KLF12: variants seen among roughly 807,000 people sequenced by gnomAD.
KLF12 encodes the protein Krueppel-like factor 12.
In KLF12, 9 loss-of-function variants were observed where a neutral mutation model predicts 37.8. The observed-to-expected ratio is 0.24, with a 90% CI of 0.14 to 0.42. The LOEUF is 0.42. Among genes scored for constraint, KLF12 ranks in the 10% least tolerant of loss-of-function variants. KLF12 has a pLI of 1.00. For synonymous variants in KLF12, 208 were observed against 202.1 expected (o/e 1.03, Z -0.25); for missense variants, 411 against 516.0 (o/e 0.80, Z 1.97).
intron 1 of KLF12, among the ~76,000 whole-genome samples, chr13:74,007,482 C>T (rs570316726): frequency 2.6e-5 from 4 of 151,680 alleles, no homozygotes; most frequent in African/African-American, 7.3e-5. Flanking sequence ...TCACCGTGTT[C>T]GCCAGGATGG....
intron 3 of KLF12, among the ~76,000 whole-genome samples, chr13:73,934,003 C>T (rs1889806334): frequency 6.6e-6 from 1 of 152,064 alleles, no homozygotes; most frequent in Non-Finnish European, 1.5e-5. Flanking sequence ...TCCCTATTTC[C>T]CTCTCCCCCA....
chr13:73,861,210 T>C (rs973264761), intron 3 of KLF12, among the ~76,000 whole-genome samples: 7 of 152,174 alleles, frequency 4.6e-5, no homozygotes, highest in African/African-American at 1.7e-4. Context: ...TTATAAATCC[T>C]GTAACTAGAT....
chr13:73,735,939 TTTTC>T (rs1359893669), intron 6 of KLF12, among the ~76,000 whole-genome samples: 8 of 133,054 alleles, frequency 6.0e-5, no homozygotes, highest in Non-Finnish European at 8.1e-5. Flanking sequence ...TATGCACTGA[TTTTC>T]TTTCTTTCTT....
chr13:73,766,014 T>C (rs1241315876), intron 5 of KLF12, among the ~76,000 whole-genome samples: 2 of 152,240 alleles, frequency 1.3e-5, no homozygotes, highest in East Asian at 3.8e-4. Context: ...CAGCCCCGCC[T>C]AAGGGCCAAC....
chr13:73,969,196 C>T (rs112136642), intron 2 of KLF12, among the ~76,000 whole-genome samples: 300 of 152,194 alleles, frequency 2.0e-3, no homozygotes, highest in Middle Eastern at 0.01. Flanking sequence ...CAAAAGCTAC[C>T]TTTTTGGAGG....
chr13:74,277,489 A>T, the KLF12 span, among the ~76,000 whole-genome samples: 1 of 152,200 alleles, frequency 6.6e-6, no homozygotes, highest in South Asian at 2.1e-4. Context: ...AATAGACTAG[A>T]TACTCAGAAT....
chr13:74,067,009 G>A (rs1244024259), intron 1 of KLF12, among the ~76,000 whole-genome samples: 2 of 152,210 alleles, frequency 1.3e-5, no homozygotes, highest in African/African-American at 4.8e-5. Context: ...TGGGGACAGT[G>A]TGGACAGGGA....
At chr13:73,773,867 C>A (rs866035547) in intron 5 of KLF12, among the ~76,000 whole-genome samples, 2 of 152,034 alleles carry the variant, frequency 1.3e-5, no homozygotes, top group African/African-American at 2.4e-5. Flanking sequence ...TATTCACAGC[C>A]CCCCTTACCA....
intron 5 of KLF12, among the ~76,000 whole-genome samples, chr13:73,767,310 T>C (rs1225523778): frequency 9.2e-5 from 14 of 152,174 alleles, no homozygotes. Flanking sequence ...AATCTGCATG[T>C]CATGCATTAT....
chr13:74,296,356 T>A, the KLF12 span, among the ~76,000 whole-genome samples: 1 of 152,170 alleles, frequency 6.6e-6, no homozygotes, highest in African/African-American at 2.4e-5. Flanking sequence ...AGGTTTATCT[T>A]CTATGTGGTA....
intron 3 of KLF12, among the ~76,000 whole-genome samples, chr13:73,874,214 A>C (rs1028844043): frequency 2.6e-5 from 4 of 152,192 alleles, no homozygotes; most frequent in Admixed American, 6.5e-5. Context: ...TTGACCTTGG[A>C]ACTATTTTAT....
chr13:73,885,474 C>T (rs941339142), intron 3 of KLF12, among the ~76,000 whole-genome samples: 2 of 152,230 alleles, frequency 1.3e-5, no homozygotes, highest in Non-Finnish European at 2.9e-5. Flanking sequence ...CAGTGGCCTC[C>T]AGACCCATCT....
At chr13:74,076,401 C>A (rs2138730583) in intron 1 of KLF12, among the ~76,000 whole-genome samples, 1 of 152,248 alleles carries the variant, frequency 6.6e-6, no homozygotes, top group South Asian at 2.1e-4. Flanking sequence ...GTTTGTCAGA[C>A]AGGTGAGGGG....
chr13:74,074,474 T>C (rs897260527), intron 1 of KLF12, among the ~76,000 whole-genome samples: 1 of 152,142 alleles, frequency 6.6e-6, no homozygotes, highest in African/African-American at 2.4e-5. Flanking sequence ...ACTCTGATCT[T>C]ACCCAAAACT....
At position 73,691,031 on chromosome 13, in the gene KLF12, A is replaced by G. The variant is rs1019827906; in HGVS notation, c.*4459T>C. The G allele has an allele frequency of 6.5e-6, 1 of 152,674 alleles. No homozygotes were observed. The highest frequency in any genetic ancestry group is 2.4e-5 in the African/African-American group (1 of 41,470). The allele number at this position is 152,674 out of a possible 1,614,324, so 9.5% of individuals were successfully genotyped here. ...CAATTTTTATGTACATTTCTTAACT[A>G]TAAAATGCAGGCAGAGTCATATATA... On this transcript the variant is annotated 3_prime_UTR_variant, in exon 8 of 8. Transcript: ENST00000377669.
intron 1 of KLF12, among the ~76,000 whole-genome samples, chr13:74,058,504 C>T (rs1363973077): frequency 8.6e-5 from 13 of 151,698 alleles, no homozygotes; most frequent in South Asian, 8.3e-4. Context: ...TACAGGCGCC[C>T]GCCACCACGC....
chr13:74,025,948 CAATT>C (rs1243835104), intron 1 of KLF12, among the ~76,000 whole-genome samples: 1 of 152,062 alleles, frequency 6.6e-6, no homozygotes, highest in Non-Finnish European at 1.5e-5. Context: ...AAAATGCAAA[CAATT>C]AAATAATTTG....
At chr13:73,963,988 A>G (rs191114270) in intron 2 of KLF12, among the ~76,000 whole-genome samples, 1 of 152,338 alleles carries the variant, frequency 6.6e-6, no homozygotes, top group Admixed American at 6.5e-5. Context: ...AACTTAAGCA[A>G]GAACAGTCTC....
intron 6 of KLF12, among the ~76,000 whole-genome samples, chr13:73,754,771 G>A (rs534476531): frequency 2.2e-4 from 34 of 152,240 alleles, no homozygotes; most frequent in African/African-American, 7.5e-4. Context: ...AATAAATCTC[G>A]TCTCACCTAG....
Sources: gnomAD v4.1 joint callset for allele counts (sites outside exome capture counted in the v4.1 genomes callset) on GRCh38, gnomAD v4.1.1 for gene constraint, MANE v1.5 for transcripts, NCBI Gene and HGNC (gene_info 2026-07-23, HGNC 2026-07-21) for gene names.